Variants in PIP5K1B observed in about 807,000 individuals in gnomAD.
The protein encoded by PIP5K1B is phosphatidylinositol 4-phosphate 5-kinase type-1 beta.
A neutral mutation model predicts 67.0 loss-of-function variants in PIP5K1B; 42 were observed. The ratio of observed to expected loss-of-function variants is 0.63; its 90% CI spans 0.49 to 0.81. The LOEUF (loss-of-function observed/expected upper bound fraction) is 0.81. Among genes scored for constraint, PIP5K1B ranks in the 30% least tolerant of loss-of-function variants. The probability of loss-of-function intolerance (pLI) is 0.00; values close to 1 mark genes in which losing one functional copy is unlikely to be tolerated. For missense variants in PIP5K1B, 459 were observed against 646.3 expected (o/e 0.71, Z 3.14); for synonymous variants, 214 against 231.4 (o/e 0.92, Z 0.68).
At chr9:68,979,278 A>G (rs542607806) in intron 14 of PIP5K1B, among the ~76,000 whole-genome samples, 1 of 152,342 alleles carries the variant, frequency 6.6e-6, no homozygotes, top group South Asian at 2.1e-4. Context: ...ACTCAAATGT[A>G]CAAAATAAAT....
intron 1 of PIP5K1B, among the ~76,000 whole-genome samples, chr9:68,718,342 C>T (rs1827727219): frequency 1.3e-5 from 2 of 152,312 alleles, no homozygotes; most frequent in African/African-American, 2.4e-5. Context: ...CTATAGTGCT[C>T]ACCCTAAAGT....
chr9:68,849,533 T>C (rs1219308957), intron 4 of PIP5K1B, among the ~76,000 whole-genome samples: 2 of 152,086 alleles, frequency 1.3e-5, no homozygotes, highest in Non-Finnish European at 2.9e-5. Context: ...ACCCAGCTAA[T>C]TTTTGCATTT....
At position 68,894,014 on chromosome 9, in the gene PIP5K1B, CA is replaced by C. The variant is rs1249206679; in HGVS notation, c.472-323del. Among the ~76,000 whole-genome samples, 74 of 152,298 alleles carry C rather than the reference CA, an allele frequency of 4.9e-4. 1 individual carries two copies. The South Asian group carries it at 0.015, about 31-fold the overall frequency. On this transcript the variant is annotated intron_variant, in intron 7 of 15. Coordinates refer to ENST00000265382, the MANE Select transcript of PIP5K1B (RefSeq NM_003558.4). ...TAAATGTTCATCCCTCATACCTTGGCAATTCGTTTTCTCTTTGGCTACCTTA... is the reference window on the plus strand; with the variant it reads ...TAAATGTTCATCCCTCATACCTTGGCATTCGTTTTCTCTTTGGCTACCTTA...
chr9:68,758,564 GAAC>G (rs1423895300), intron 2 of PIP5K1B, among the ~76,000 whole-genome samples: 1 of 151,976 alleles, frequency 6.6e-6, no homozygotes, highest in African/African-American at 2.4e-5. Context: ...TGTACAATAC[GAAC>G]AACAACGAGA....
chr9:68,906,902 T>A (rs1246781703), intron 8 of PIP5K1B, among the ~76,000 whole-genome samples: 2 of 152,220 alleles, frequency 1.3e-5, no homozygotes, highest in Admixed American at 1.3e-4. Flanking sequence ...TCATTCTGAA[T>A]TGGCTATCCA....
In PIP5K1B at chr9:68,917,703, A is replaced by G; in HGVS notation, c.927A>G (p.Glu309=). The part of the protein sequence containing the change: ...MQKVLYSTAM[E]SIQGPGKSGD... ...AGGTTCTCTACTCAACAGCCATGGA[A>G]TCTATCCAGGGTCCAGGGAAATCTG... The change falls in exon 9 of 16, where the codon GAA becomes GAG. Residue 309 remains glutamate, a synonymous_variant. Coordinates refer to ENST00000265382, the MANE Select transcript of PIP5K1B (RefSeq NM_003558.4). 1 of 1,614,192 alleles carries G rather than the reference A, an allele frequency of 6.2e-7. No homozygotes were observed. Among genetic ancestry groups the G allele is most frequent in the South Asian group, 1.1e-5 (1 of 91,084 alleles).
At chr9:68,708,572 A>G (rs1037703833) in intron 1 of PIP5K1B, among the ~76,000 whole-genome samples, 1 of 133,138 alleles carries the variant, frequency 7.5e-6, no homozygotes, top group Admixed American at 8.6e-5. Context: ...TTAGTATTAC[A>G]GCTGCTGAAA....
At chr9:68,847,413 TTGTGTGTGTGTGTGTGTGTGTGTG>T (rs777818994) in intron 4 of PIP5K1B, among the ~76,000 whole-genome samples, 2 of 101,616 alleles carry the variant, frequency 2.0e-5, no homozygotes, top group Non-Finnish European at 3.9e-5. Context: ...AGCAGTGGTT[TTGTGTGTGTGTGTGTGTGTGTGTG>T]TGTGTGTGTG....
intron 2 of PIP5K1B, among the ~76,000 whole-genome samples, chr9:68,758,202 T>A (rs1830025299): frequency 6.6e-6 from 1 of 152,086 alleles, no homozygotes. Flanking sequence ...GTTCCAAATG[T>A]CTAGGATACA....
intron 8 of PIP5K1B, among the ~76,000 whole-genome samples, chr9:68,895,935 C>G (rs1825061951): frequency 6.6e-6 from 1 of 152,058 alleles, no homozygotes. Flanking sequence ...AATGACAGAG[C>G]CCACATCTGT....
chr9:68,970,907 A>G (rs1829328007), intron 14 of PIP5K1B, among the ~76,000 whole-genome samples: 1 of 152,244 alleles, frequency 6.6e-6, no homozygotes, highest in Non-Finnish European at 1.5e-5. Flanking sequence ...ATGCAGTAGC[A>G]TGCCAGAGCC....
chr9:68,872,301 C>A (rs1008333038), intron 5 of PIP5K1B, among the ~76,000 whole-genome samples: 2 of 152,234 alleles, frequency 1.3e-5, no homozygotes, highest in African/African-American at 4.8e-5. Context: ...TTGTTCTCTG[C>A]ACTCGTGCTC....
At chr9:68,896,811 A>G (rs1051323335) in intron 8 of PIP5K1B, among the ~76,000 whole-genome samples, 6 of 152,182 alleles carry the variant, frequency 3.9e-5, no homozygotes, top group African/African-American at 1.2e-4. Context: ...AATGGTGAAT[A>G]TTAATATTTA....
At chr9:68,741,675 A>G (rs950020502) in intron 1 of PIP5K1B, 1 of 152,240 alleles carries the variant, frequency 6.6e-6, no homozygotes, top group African/African-American at 2.4e-5. Context: ...AAGCAAAGAG[A>G]TAGAGAAGGG....
chr9:68,826,444 A>G (rs188781656), intron 4 of PIP5K1B, among the ~76,000 whole-genome samples: 29 of 152,334 alleles, frequency 1.9e-4, no homozygotes, highest in African/African-American at 5.3e-4. Context: ...GAAGATTTTG[A>G]TATGAAATCT....
At chr9:68,779,945 CCTCG>C in intron 2 of PIP5K1B, 1 of 529,826 alleles carries the variant, frequency 1.9e-6, no homozygotes, top group South Asian at 4.4e-5. Context: ...CCCGACCACT[CCTCG>C]CCCCTCCCCT....
intron 14 of PIP5K1B, among the ~76,000 whole-genome samples, chr9:68,962,433 C>G (rs550717514): frequency 6.6e-6 from 1 of 152,318 alleles, no homozygotes; most frequent in South Asian, 2.1e-4. Flanking sequence ...AAGTAAGCTT[C>G]TGGCCAAGTC....
chr9:68,919,559 A>G lies in PIP5K1B; in HGVS notation c.1064A>G (p.Tyr355Cys), dbSNP rs1331473336. Residue 355 changes from tyrosine (Y) to cysteine (C), a missense_variant, in exon 10 of 16, where the codon TAT (tyrosine) becomes TGT (cysteine). Tyr to Cys is a radical substitution (Grantham distance 194). This residue lies in a region of PIP5K1B where 290 missense variants were observed against 474.4 expected (regional missense o/e 0.61). Coordinates refer to ENST00000265382, the MANE Select transcript of PIP5K1B (RefSeq NM_003558.4). Reference sequence around the variant, plus strand: ...GGCATTATTGACATTCTGCAATCATATAGGTAAGAAGTTTGAGGAGTGGTC... The same window carrying G: ...GGCATTATTGACATTCTGCAATCATGTAGGTAAGAAGTTTGAGGAGTGGTC... Reference protein sequence around the residue: ...FMGIIDILQSYRLMKKLEHSW... With the variant: ...FMGIIDILQSCRLMKKLEHSW... The G allele has an allele frequency of 1.3e-6, 2 of 1,567,564 alleles. No individual in the cohort carries two copies. Among genetic ancestry groups the G allele is most frequent in the South Asian group, 1.1e-5 (1 of 87,820 alleles).
intron 2 of PIP5K1B, among the ~76,000 whole-genome samples, chr9:68,795,988 G>A (rs536412264): frequency 5.9e-5 from 9 of 152,280 alleles, no homozygotes; most frequent in East Asian, 1.9e-4. Context: ...TGAGAGAAGC[G>A]ATGCAGGTTC....
Sources: gnomAD v4.1 joint callset for allele counts (sites outside exome capture counted in the v4.1 genomes callset) on GRCh38, gnomAD v4.1.1 for gene constraint, gnomAD v4.1.1 regional missense constraint, MANE v1.5 for transcripts, NCBI Gene and HGNC (gene_info 2026-07-23, HGNC 2026-07-21) for gene names.